The following SHPRH variants were observed in gnomAD, a reference collection of about 807,000 sequenced individuals.
SHPRH encodes E3 ubiquitin-protein ligase SHPRH.
Under a neutral mutation model 202.5 loss-of-function variants are expected in SHPRH, and 106 were observed. That is an observed-to-expected ratio of 0.52 (90% confidence interval 0.45 to 0.62). SHPRH has a LOEUF of 0.62. Ranked by LOEUF, SHPRH falls within the 20% of genes least tolerant of loss-of-function variation. The pLI is 0.00. For synonymous variants in SHPRH, 729 were observed against 686.0 expected (o/e 1.06, Z -0.98); for missense variants, 1,710 against 2,020.0 (o/e 0.85, Z 2.94).
intron 2 of SHPRH, among the ~76,000 whole-genome samples, chr6:145,878,577 A>G (rs1287372443): frequency 1.2e-4 from 18 of 152,272 alleles, no homozygotes; most frequent in Admixed American, 9.8e-4. Flanking sequence ...AGAAATGTCT[A>G]TTCAAATCCT....
rs1783398846 is a variant in SHPRH at position 145,910,493 on chromosome 6, G to C, written c.4470C>G (p.Val1490=). Reference sequence around the variant, plus strand: ...CCTGGTTTGCTTTCTCTGAGGTAAAGACATACGAGATTTCTTTGTGAGATG... The same window carrying C: ...CCTGGTTTGCTTTCTCTGAGGTAAACACATACGAGATTTCTTTGTGAGATG... ...QTTSHKEISY[V]FTSEKANQEE... Residue 1490 remains valine, a synonymous_variant, in exon 25 of 30, where the codon GTC becomes GTG. Transcript: ENST00000275233. 1.9e-6 allele frequency: 3 copies of C among 1,613,066 alleles called. No individual in the cohort carries two copies. Among genetic ancestry groups the C allele is most frequent in the East Asian group, 2.2e-5 (1 of 44,848 alleles).
intron 2 of SHPRH, chr6:145,870,798 T>A (rs1421488139): frequency 6.6e-6 from 1 of 152,224 alleles, no homozygotes; most frequent in Non-Finnish European, 1.5e-5. Context: ...TTTGTAGATA[T>A]CCTTTATCAG....
chr6:145,898,072 C>G (rs1161225179), intron 25 of SHPRH, among the ~76,000 whole-genome samples: 1 of 152,078 alleles, frequency 6.6e-6, no homozygotes, highest in Non-Finnish European at 1.5e-5. Flanking sequence ...GGAAGTTAAA[C>G]TGTTTGCAGA....
chr6:145,956,482 G>A (rs964640038), intron 1 of SHPRH, among the ~76,000 whole-genome samples: 1 of 151,936 alleles, frequency 6.6e-6, no homozygotes, highest in East Asian at 1.9e-4. Context: ...TTTCAAAAAT[G>A]AAGGTGAAAA....
At chr6:145,893,519 T>G in intron 27 of SHPRH, 126 bp from the exon 28 acceptor site, 3 of 871,162 alleles carry the variant, frequency 3.4e-6, no homozygotes, top group Non-Finnish European at 3.2e-6. Flanking sequence ...CTAAGAAACT[T>G]AAATGCAAAA....
chr6:145,878,115 G>T (rs1235822379), intron 2 of SHPRH: 1 of 152,096 alleles, frequency 6.6e-6, no homozygotes, highest in Non-Finnish European at 1.5e-5. Context: ...CAAGTCATGT[G>T]GTGTAAAGTG....
At chr6:145,919,628 C>T in intron 21 of SHPRH, 137 bp from the exon 22 acceptor site, 2 of 938,992 alleles carry the variant, frequency 2.1e-6, no homozygotes, top group Non-Finnish European at 3.0e-6. Context: ...ACAAGTAGTT[C>T]CTGGGGTCAT....
At chr6:145,929,934 A>G (rs1269354345) in intron 14 of SHPRH, among the ~76,000 whole-genome samples, 5 of 152,134 alleles carry the variant, frequency 3.3e-5, no homozygotes, top group African/African-American at 4.8e-5. Context: ...AACGTTTTCA[A>G]TGTGCTTCTA....
At chr6:145,935,572 T>A in intron 11 of SHPRH, 131 bp from the exon 12 acceptor site, 1 of 851,040 alleles carries the variant, frequency 1.2e-6, no homozygotes, top group Non-Finnish European at 1.8e-6. Flanking sequence ...TATAGGCTCT[T>A]AAATCTGAAA....
At chr6:145,927,530 A>G (rs1249320817) in intron 14 of SHPRH, among the ~76,000 whole-genome samples, 1 of 151,676 alleles carries the variant, frequency 6.6e-6, no homozygotes, top group African/African-American at 2.4e-5. Context: ...TTATACTGAA[A>G]TATGTTTATA....
chr6:145,868,232 C>T (rs193198465), intron 2 of SHPRH, among the ~76,000 whole-genome samples: 1 of 152,300 alleles, frequency 6.6e-6, no homozygotes, highest in East Asian at 1.9e-4. Context: ...AATATGACCT[C>T]ATTATACCTA....
intron 2 of SHPRH, among the ~76,000 whole-genome samples, chr6:145,867,631 TAG>T (rs748613165): frequency 0.027 from 594 of 22,150 alleles, 6 homozygotes; most frequent in Middle Eastern, 0.067. Flanking sequence ...TATATATATA[TAG>T]AGAGAGAGAG....
downstream of SHPRH, among the ~76,000 whole-genome samples, chr6:145,862,032 A>T (rs753869922): frequency 1.3e-5 from 2 of 152,154 alleles, no homozygotes; most frequent in Non-Finnish European, 2.9e-5. Flanking sequence ...ATGTTGGTCA[A>T]AGGTTGCAAA....
chr6:145,947,257 A>G (rs1305013817), intron 6 of SHPRH, among the ~76,000 whole-genome samples: 3 of 152,086 alleles, frequency 2.0e-5, no homozygotes, highest in African/African-American at 7.2e-5. Flanking sequence ...AAGAAAGTTC[A>G]GTAAGTGATC....
At chr6:145,875,297 G>A (rs1780249614) in intron 2 of SHPRH, among the ~76,000 whole-genome samples, 1 of 152,166 alleles carries the variant, frequency 6.6e-6, no homozygotes, top group Non-Finnish European at 1.5e-5. Flanking sequence ...GGCATCTAAT[G>A]GGTAGAGGCC....
intron 28 of SHPRH, among the ~76,000 whole-genome samples, chr6:145,888,615 T>C (rs1781316142): frequency 1.3e-5 from 2 of 152,190 alleles, no homozygotes; most frequent in South Asian, 4.2e-4. Context: ...GACCAAGCAT[T>C]TGAATTTTAT....
chr6:145,899,696 A>C (rs1782328699), intron 25 of SHPRH, among the ~76,000 whole-genome samples: 1 of 152,186 alleles, frequency 6.6e-6, no homozygotes, highest in Non-Finnish European at 1.5e-5. Context: ...TCTGCACAGC[A>C]AAGGAAATAA....
intron 27 of SHPRH, 71 bp downstream of exon 27, chr6:145,894,079 T>C: frequency 9.2e-7 from 1 of 1,090,652 alleles, no homozygotes; most frequent in Non-Finnish European, 1.3e-6. Context: ...TAAATGTAAG[T>C]AAGCTAGTTA....
intron 25 of SHPRH, among the ~76,000 whole-genome samples, chr6:145,901,729 G>A (rs1273046801): frequency 2.0e-5 from 3 of 151,002 alleles, no homozygotes. Flanking sequence ...GGTTGATAAA[G>A]TTGTACTTAA....
Sources: allele counts gnomAD v4.1 joint callset (sites outside exome capture counted in the v4.1 genomes callset), GRCh38; gene constraint gnomAD v4.1.1; transcripts MANE v1.5; gene names NCBI Gene and HGNC (gene_info 2026-07-23, HGNC 2026-07-21).